The following NASP variants were observed in gnomAD, a reference collection of about 807,000 sequenced individuals.
The protein encoded by NASP is NASP histone chaperone.
NASP carries 24 observed loss-of-function variants against 89.5 expected under a neutral mutation model. The observed-to-expected ratio is 0.27, with a 90% CI of 0.19 to 0.38. The LOEUF (loss-of-function observed/expected upper bound fraction) is 0.38. NASP is among the 10% of genes least tolerant of loss of function. The pLI, the probability that NASP is intolerant of heterozygous loss-of-function variation, is 1.00. For missense variants in NASP, 848 were observed against 921.4 expected (o/e 0.92, Z 1.03); for synonymous variants, 306 against 324.7 (o/e 0.94, Z 0.62).
chr1:45,597,537 C>G (rs1360445355), intron 2 of NASP, among the ~76,000 whole-genome samples: 1 of 152,024 alleles, frequency 6.6e-6, no homozygotes, highest in Non-Finnish European at 1.5e-5. Context: ...AAATGTAAAA[C>G]AGTGCCACTA....
intron 5 of NASP, 122 bp from the exon 6 acceptor site, chr1:45,607,199 C>T: frequency 1.0e-6 from 1 of 989,634 alleles, no homozygotes; most frequent in Non-Finnish European, 1.5e-6. Flanking sequence ...AATTTTTAGG[C>T]CATCTGCTGA....
At chr1:45,601,447 C>G (rs1275374049) in intron 2 of NASP, among the ~76,000 whole-genome samples, 4 of 152,098 alleles carry the variant, frequency 2.6e-5, no homozygotes, top group Non-Finnish European at 5.9e-5. Context: ...ATTGCATTGC[C>G]TTGGTACCTT....
At chr1:45,591,093 T>A (rs752100035) in intron 1 of NASP, 130 bp from the exon 2 acceptor site, 1 of 550,298 alleles carries the variant, frequency 1.8e-6, no homozygotes, top group Non-Finnish European at 3.2e-6. Context: ...TGTAAGTAAG[T>A]AAATAATACT....
chr1:45,603,992 T>G (rs1643881721), intron 3 of NASP, among the ~76,000 whole-genome samples: 1 of 152,196 alleles, frequency 6.6e-6, no homozygotes, highest in Admixed American at 6.5e-5. Flanking sequence ...CATAAATACT[T>G]TCTCTTAGGT....
At chr1:45,607,143 C>A in intron 5 of NASP, 178 bp from the exon 6 acceptor site, 1 of 636,272 alleles carries the variant, frequency 1.6e-6, no homozygotes, top group Non-Finnish European at 2.7e-6. Context: ...CAGTAAGTTG[C>A]TCTGCTAGCC....
At chr1:45,596,356 A>T (rs1240656141) in intron 2 of NASP, among the ~76,000 whole-genome samples, 11 of 152,194 alleles carry the variant, frequency 7.2e-5, no homozygotes, top group Non-Finnish European at 1.0e-4. Context: ...TACCCAGTAA[A>T]CAACTCCCTC....
intron 1 of NASP, 84 bp downstream of exon 1, chr1:45,584,289 C>G (rs1056138160): frequency 7.5e-7 from 1 of 1,333,474 alleles, no homozygotes; most frequent in Admixed American, 2.1e-5. Flanking sequence ...AGGGGCAGAC[C>G]GGTGGGCGGG....
chr1:45,584,343 C>T, intron 1 of NASP, 138 bp downstream of exon 1: 1 of 748,224 alleles, frequency 1.3e-6, no homozygotes, highest in Non-Finnish European at 2.2e-6. Flanking sequence ...TCGGGAAGGC[C>T]TGGTCACTGG....
intron 1 of NASP, among the ~76,000 whole-genome samples, chr1:45,590,978 C>G (rs1461208169): frequency 6.6e-6 from 1 of 152,146 alleles, no homozygotes; most frequent in Non-Finnish European, 1.5e-5. Context: ...AAAGCACTGC[C>G]CTTTAAGTTG....
chr1:45,604,460 A>G (rs1249792835), intron 3 of NASP, among the ~76,000 whole-genome samples: 1 of 152,218 alleles, frequency 6.6e-6, no homozygotes, highest in Non-Finnish European at 1.5e-5. Flanking sequence ...TGAGAAAACT[A>G]AGGCACTGTG....
intron 2 of NASP, among the ~76,000 whole-genome samples, chr1:45,598,414 C>T (rs1056741000): frequency 2.0e-5 from 3 of 152,138 alleles, no homozygotes; most frequent in African/African-American, 7.2e-5. Flanking sequence ...TTTCTTCATA[C>T]TATTTTCTTG....
intron 11 of NASP, chr1:45,615,728 G>A (rs2148374396): frequency 4.8e-6 from 2 of 412,544 alleles, no homozygotes; most frequent in South Asian, 6.8e-5. Context: ...GATAATACAG[G>A]TTGAGTATCC....
intron 3 of NASP, among the ~76,000 whole-genome samples, chr1:45,603,861 G>T (rs1643880642): frequency 6.6e-6 from 1 of 152,018 alleles, no homozygotes; most frequent in Non-Finnish European, 1.5e-5. Flanking sequence ...CACCTACCTC[G>T]GCCTCCCAAA....
chr1:45,596,467 CT>C (rs1233551984), intron 2 of NASP, among the ~76,000 whole-genome samples: 1 of 152,030 alleles, frequency 6.6e-6, no homozygotes, highest in East Asian at 1.9e-4. Flanking sequence ...GAATATTTAC[CT>C]TTTTGTGACT....
Position 45,613,201 on chromosome 1 carries a change from A to G in NASP, c.1459A>G (p.Asn487Asp). 2 of 1,611,680 alleles carry G rather than the reference A, an allele frequency of 1.2e-6. No homozygotes were observed. Among genetic ancestry groups the G allele is most frequent in the Non-Finnish European group, 1.7e-6 (2 of 1,178,780 alleles). The stretch of plus-strand genomic sequence containing the variant: ...AGGCTCAGAAGAGGATGATAAAGAA[A>G]ATGATAAGACCGAAGAAATGCCAAA... ...TEGSEEDDKE[N>D]DKTEEMPNDS... is the part of the protein sequence containing the mutation. Residue 487 changes from asparagine (N) to aspartate (D), a missense_variant, in exon 7 of 15, where the codon AAT becomes GAT. Physicochemically the swap from Asn to Asp is conservative, Grantham distance 23 (BLOSUM62 1). Around this residue, in one of 5 missense-constraint regions of NASP, gnomAD observed 464 missense variants for 469.4 expected, o/e 0.99. Transcript: ENST00000350030.
At chr1:45,605,102 GT>G in intron 4 of NASP, 86 bp downstream of exon 4, 3 of 1,059,448 alleles carry the variant, frequency 2.8e-6, no homozygotes, top group Non-Finnish European at 4.4e-6. Context: ...AGCAAGATTG[GT>G]TTTACCTAGA....
chr1:45,602,179 TG>T, intron 2 of NASP, 75 bp from the exon 3 acceptor site: 1 of 1,514,556 alleles, frequency 6.6e-7, no homozygotes, highest in Non-Finnish European at 8.9e-7. Context: ...ATGAAACTAT[TG>T]CTCAAATGTA....
At chr1:45,586,384 C>G (rs984197917) in intron 1 of NASP, among the ~76,000 whole-genome samples, 1 of 151,206 alleles carries the variant, frequency 6.6e-6, no homozygotes, top group African/African-American at 2.4e-5. Context: ...CTCCTGGCCT[C>G]AAGTGATTGT....
At chr1:45,586,290 TGTGTGTGTGTGTGTGTGTG>T (rs1644545777) in intron 1 of NASP, among the ~76,000 whole-genome samples, 24 of 97,316 alleles carry the variant, frequency 2.5e-4, no homozygotes, top group African/African-American at 1.1e-3. Flanking sequence ...GTGTGGTGTG[TGTGTGTGTGTGTGTGTGTG>T]GTGTGTGTGT....
Sources: allele counts gnomAD v4.1 joint callset (sites outside exome capture counted in the v4.1 genomes callset), GRCh38; gene constraint gnomAD v4.1.1; regional missense constraint gnomAD v4.1.1; transcripts MANE v1.5; gene names NCBI Gene and HGNC (gene_info 2026-07-23, HGNC 2026-07-21).